SCD5: variants seen among roughly 807,000 people sequenced by gnomAD.
SCD5 encodes acyl-CoA-desaturase 4.
SCD5 carries 20 observed loss-of-function variants against 30.4 expected under a neutral mutation model. That is an observed-to-expected ratio of 0.66 (90% CI 0.46 to 0.96). SCD5 has a LOEUF of 0.96. Among genes scored for constraint, SCD5 ranks in the 40% least tolerant of loss-of-function variants. SCD5 has a pLI of 0.00. For missense variants in SCD5, 381 were observed against 443.3 expected (o/e 0.86, Z 1.26); for synonymous variants, 173 against 176.4 (o/e 0.98, Z 0.16).
rs151124817 is a variant in SCD5, at chr4:82,648,647, CT to C, written c.570-11825del. 2.6e-4 allele frequency among the ~76,000 whole-genome samples: 40 copies of C among 152,288 alleles called. No individual in the cohort carries two copies. The East Asian group carries it at 7.3e-3, about 28-fold the overall frequency. On this transcript the variant is annotated intron_variant, in intron 3 of 4. Coordinates refer to ENST00000319540, the MANE Select transcript of SCD5 (RefSeq NM_001037582.3). ...CCTTATATTTACTTATTAAATTTTG[CT>C]GGCCCATCCCTTAATTTCAGGTCTA...
At chr4:82,773,960 A>G (rs371456489) in intron 1 of SCD5, among the ~76,000 whole-genome samples, 233 of 152,108 alleles carry the variant, frequency 1.5e-3, no homozygotes, top group African/African-American at 5.5e-3. Flanking sequence ...ATGGTGGCGC[A>G]TGCCTGTAAT....
intron 1 of SCD5, among the ~76,000 whole-genome samples, chr4:82,706,772 C>A (rs1470428766): frequency 6.6e-6 from 1 of 152,258 alleles, no homozygotes; most frequent in Non-Finnish European, 1.5e-5. Context: ...CCTTGAGCCA[C>A]TGGTTGCTGA....
chr4:82,699,238 G>A (rs1169256592), intron 2 of SCD5, among the ~76,000 whole-genome samples: 2 of 152,166 alleles, frequency 1.3e-5, no homozygotes, highest in African/African-American at 4.8e-5. Context: ...CAGTAAGAGG[G>A]TGACTTCTGG....
chr4:82,783,095 G>C, intron 1 of SCD5, among the ~76,000 whole-genome samples: 1 of 152,202 alleles, frequency 6.6e-6, no homozygotes, highest in East Asian at 1.9e-4. Flanking sequence ...TCTGGATGGA[G>C]CCCTGAAATC....
At chr4:82,637,395 T>A (rs1727456086) in intron 3 of SCD5, among the ~76,000 whole-genome samples, 1 of 152,162 alleles carries the variant, frequency 6.6e-6, no homozygotes, top group Non-Finnish European at 1.5e-5. Flanking sequence ...CATGGCCACA[T>A]AGAAAGTAAT....
Position 82,798,481 on chromosome 4 carries a change from T to A in SCD5, c.57A>T (p.Glu19Asp). 1.2e-6 allele frequency: 2 copies of A among 1,612,392 alleles called. No homozygotes were observed. The highest frequency in any genetic ancestry group is 8.5e-7 in the Non-Finnish European group (1 of 1,179,300). The change falls in exon 1 of 5, where the codon GAA becomes GAT. Residue 19 changes from glutamate (E) to aspartate (D), a missense_variant. By Grantham distance (45) the Glu-to-Asp change is conservative (BLOSUM62 2). Transcript: ENST00000319540. ...CAGAGCTTTCGAGCCCGGCACGGAT[T>A]TCTTCCTTGGCGTCGCAGAAAGGGA... ...GKIPFCDAKEEIRAGLESSEG... is the reference protein window; with the variant it reads ...GKIPFCDAKEDIRAGLESSEG...
At chr4:82,631,546 T>C in intron 4 of SCD5, 29 bp from the exon 5 acceptor site, 1 of 1,606,930 alleles carries the variant, frequency 6.2e-7, no homozygotes, top group South Asian at 1.1e-5. Flanking sequence ...ATTGATATAA[T>C]TCAATCACCA....
chr4:82,688,692 C>T (rs1343223893), intron 2 of SCD5, among the ~76,000 whole-genome samples: 1 of 152,088 alleles, frequency 6.6e-6, no homozygotes, highest in African/African-American at 2.4e-5. Flanking sequence ...TCATGTGGCA[C>T]TTGGTCTACA....
Position 82,674,535 on chromosome 4 carries a change from C to T in SCD5, c.569+6172G>A, listed in dbSNP as rs1196586274. On this transcript the variant is annotated intron_variant, in intron 3 of 4. Coordinates refer to ENST00000319540, the MANE Select transcript of SCD5 (RefSeq NM_001037582.3). ...ATTCGTTGCTGTTGGGAATGCAAAA[C>T]GATACAGCCACTTTGGAAGACAGTT... Among the ~76,000 whole-genome samples, 9 of 152,256 alleles carry T rather than the reference C, an allele frequency of 5.9e-5. No homozygotes were observed. In the East Asian group the frequency reaches 1.3e-3, roughly 23 times the overall value.
At chr4:82,721,442 A>G (rs1296366327) in intron 1 of SCD5, among the ~76,000 whole-genome samples, 1 of 152,164 alleles carries the variant, frequency 6.6e-6, no homozygotes, top group Non-Finnish European at 1.5e-5. Context: ...TGTCCCCCCA[A>G]AATTCAAAAG....
At chr4:82,727,015 T>C (rs1720514809) in intron 1 of SCD5, among the ~76,000 whole-genome samples, 1 of 152,232 alleles carries the variant, frequency 6.6e-6, no homozygotes, top group African/African-American at 2.4e-5. Context: ...ATGAAGCTTC[T>C]TTTTTAAATA....
chr4:82,669,184 G>C (rs1276535350), intron 3 of SCD5, among the ~76,000 whole-genome samples: 1 of 152,078 alleles, frequency 6.6e-6, no homozygotes. Flanking sequence ...AGATGAAGGT[G>C]GGGTAGAGAA....
At chr4:82,750,311 G>A (rs957922752) in intron 1 of SCD5, among the ~76,000 whole-genome samples, 5 of 152,196 alleles carry the variant, frequency 3.3e-5, no homozygotes, top group African/African-American at 1.2e-4. Flanking sequence ...AAGTAGCTGA[G>A]TCGACAGACT....
intron 1 of SCD5, among the ~76,000 whole-genome samples, chr4:82,776,797 T>C (rs1281499296): frequency 1.3e-5 from 2 of 152,214 alleles, no homozygotes; most frequent in Non-Finnish European, 2.9e-5. Flanking sequence ...GTTTATGTGT[T>C]CTAGAATTCA....
chr4:82,639,075 C>T (rs572242012), intron 3 of SCD5, among the ~76,000 whole-genome samples: 2 of 152,350 alleles, frequency 1.3e-5, no homozygotes, highest in South Asian at 2.1e-4. Context: ...AAAAAACATA[C>T]GTCAATGTGC....
chr4:82,700,826 G>T (rs1373226780), intron 2 of SCD5, among the ~76,000 whole-genome samples: 8 of 87,988 alleles, frequency 9.1e-5, no homozygotes, highest in East Asian at 3.7e-4. Context: ...AAAAAAAAAA[G>T]ACATTCTCAG....
Position 82,661,830 on chromosome 4 carries a change from T to C in SCD5, c.569+18877A>G, listed in dbSNP as rs139446369. Among the ~76,000 whole-genome samples, 3 of 151,894 alleles carry C rather than the reference T, an allele frequency of 2.0e-5. No individual in the cohort carries two copies. The East Asian group carries it at 5.8e-4, about 29-fold the overall frequency. ...TCCTAGCGCAGAGAGCTGAAGAGAG[T>C]AAACATGAGAAATACGCAACACACC... On this transcript the variant is annotated intron_variant, in intron 3 of 4. Coordinates refer to ENST00000319540, the MANE Select transcript of SCD5 (RefSeq NM_001037582.3).
intron 1 of SCD5, among the ~76,000 whole-genome samples, chr4:82,786,359 A>T (rs1051372276): frequency 6.6e-6 from 1 of 152,250 alleles, no homozygotes; most frequent in Non-Finnish European, 1.5e-5. Flanking sequence ...TAAAACCAAC[A>T]CAGCCCAAAT....
chr4:82,647,525 GCTT>G (rs1291702678), intron 3 of SCD5, among the ~76,000 whole-genome samples: 3 of 152,266 alleles, frequency 2.0e-5, no homozygotes, highest in East Asian at 1.9e-4. Context: ...ATATAACACA[GCTT>G]CTTCATTTCT....
Sources: allele counts gnomAD v4.1 joint callset (sites outside exome capture counted in the v4.1 genomes callset), GRCh38; gene constraint gnomAD v4.1.1; transcripts MANE v1.5; gene names NCBI Gene and HGNC (gene_info 2026-07-23, HGNC 2026-07-21).